SLIT1: variants seen among roughly 807,000 people sequenced by gnomAD.
The protein encoded by SLIT1 is slit guidance ligand 1.
In SLIT1, 66 loss-of-function variants were observed where a neutral mutation model predicts 186.1. The observed-to-expected ratio is 0.35, with a 90% CI of 0.29 to 0.44. The LOEUF (loss-of-function observed/expected upper bound fraction) is 0.44, where lower values mean the gene tolerates loss of function less well. SLIT1 is among the 20% of genes least tolerant of loss of function. SLIT1 has a pLI of 1.00. For synonymous variants in SLIT1, 761 were observed against 833.8 expected, an observed-to-expected ratio of 0.91 and a Z score of 1.50; for missense variants, 1,638 against 2,037.4, an observed-to-expected ratio of 0.80 and a Z score of 3.77.
intron 4 of SLIT1, among the ~76,000 whole-genome samples, chr10:97,112,419 T>C (rs1849473344): frequency 6.6e-6 from 1 of 152,226 alleles, no homozygotes; most frequent in Non-Finnish European, 1.5e-5. Context: ...ATTCAGAGCA[T>C]GCTATAAATA....
At chr10:97,180,859 C>T (rs1390204928) in intron 1 of SLIT1, among the ~76,000 whole-genome samples, 4 of 152,258 alleles carry the variant, frequency 2.6e-5, no homozygotes, top group African/African-American at 9.6e-5. Context: ...GAGCCTCTAG[C>T]TTGAGCTTCC....
chr10:97,087,432 GTCA>G (rs1199467601), intron 4 of SLIT1, among the ~76,000 whole-genome samples: 1 of 152,170 alleles, frequency 6.6e-6, no homozygotes, highest in Non-Finnish European at 1.5e-5. Context: ...CCCTGCATTT[GTCA>G]CATTGCATGT....
rs983650132 is a variant in SLIT1, at chr10:97,068,280, C to T, written c.414-2194G>A. 6.6e-6 allele frequency among the ~76,000 whole-genome samples: 1 copy of T among 152,244 alleles called. No homozygotes were observed. Among genetic ancestry groups the T allele is most frequent in the African/African-American group, 2.4e-5 (1 of 41,534 alleles). Reference sequence around the variant, plus strand: ...CTGGGGTTCGAGGCCTGGCCCTCCCCCTCCTGGCCATACATCTGCAAGGCA... The same window carrying T: ...CTGGGGTTCGAGGCCTGGCCCTCCCTCTCCTGGCCATACATCTGCAAGGCA... On this transcript the variant is annotated intron_variant, in intron 4 of 36. Coordinates refer to ENST00000266058, the MANE Select transcript of SLIT1 (RefSeq NM_003061.3). This position sits in a 1 kb window ranked among gnomAD's most constrained non-coding sequence, Gnocchi z 4.2.
intron 25 of SLIT1, among the ~76,000 whole-genome samples, chr10:97,027,805 C>A (rs73320621): frequency 5.3e-5 from 8 of 152,074 alleles, no homozygotes; most frequent in Non-Finnish European, 1.0e-4. Context: ...AGATTTTGAG[C>A]TGGAGACAAG....
chr10:97,091,826 G>A (rs543436349), intron 4 of SLIT1, among the ~76,000 whole-genome samples: 78 of 152,320 alleles, frequency 5.1e-4, no homozygotes, highest in African/African-American at 1.8e-3. Flanking sequence ...CATAGGCTAA[G>A]TGCCCTTGCA....
In SLIT1 at chr10:97,000,085, G is replaced by GTGA. The variant is rs962241890; in HGVS notation, c.*1024_*1026dup. 6 of 152,370 alleles carry GTGA rather than the reference G, an allele frequency of 3.9e-5. No homozygotes were observed. Among genetic ancestry groups the GTGA allele is most frequent in the African/African-American group, 1.2e-4 (5 of 41,458 alleles). The allele number at this position is 152,370 out of a possible 1,614,324, so 9.4% of individuals were successfully genotyped here. A position where few individuals can be genotyped will look rare whatever the true frequency, so the allele number is the denominator to read the frequency against. On this transcript the variant is annotated 3_prime_UTR_variant, in exon 37 of 37. Transcript: ENST00000266058. Reference sequence around the variant, plus strand: ...CCAGGTGGGGAGAAGTTTGCCCCGAGTGATAGAGCCAGCAGGGACTTCCCA... The same window carrying GTGA: ...CCAGGTGGGGAGAAGTTTGCCCCGAGTGATGATAGAGCCAGCAGGGACTTCCCA...
intron 4 of SLIT1, among the ~76,000 whole-genome samples, chr10:97,129,140 G>A (rs1419210423): frequency 2.6e-5 from 4 of 152,062 alleles, no homozygotes; most frequent in Non-Finnish European, 5.9e-5. Flanking sequence ...GGTGGCTCAC[G>A]TCTGTTATCC....
At chr10:97,119,616 A>C (rs1011336520) in intron 4 of SLIT1, among the ~76,000 whole-genome samples, 5 of 151,282 alleles carry the variant, frequency 3.3e-5, no homozygotes, top group Admixed American at 3.3e-4. Context: ...GACTCAGGAG[A>C]CGGCGCCTTG....
intron 7 of SLIT1, 135 bp downstream of exon 7, chr10:97,064,033 C>G (rs1276829190): frequency 6.9e-6 from 5 of 729,190 alleles, no homozygotes; most frequent in Non-Finnish European, 1.2e-5. Flanking sequence ...AGCCCCCAGC[C>G]TGGGCTGGCC....
At chr10:97,031,542 A>C in intron 24 of SLIT1, 64 bp downstream of exon 24, 1 of 1,302,926 alleles carries the variant, frequency 7.7e-7, no homozygotes, top group South Asian at 1.3e-5. Flanking sequence ...TCTGCCCACC[A>C]GGTGGGTGGC....
At chr10:97,037,031 T>G (rs1430985583) in intron 22 of SLIT1, among the ~76,000 whole-genome samples, 1 of 150,344 alleles carries the variant, frequency 6.7e-6, no homozygotes, top group African/African-American at 2.4e-5. Context: ...CTCCTAACCT[T>G]GCAAGAATAA....
chr10:97,120,378 C>G (rs1849550063), intron 4 of SLIT1, among the ~76,000 whole-genome samples: 1 of 152,156 alleles, frequency 6.6e-6, no homozygotes, highest in Admixed American at 6.5e-5. Context: ...TCTCCGGTGC[C>G]CTGTGAGATT....
intron 4 of SLIT1, among the ~76,000 whole-genome samples, chr10:97,149,160 C>T (rs1342602470): frequency 6.6e-6 from 1 of 152,232 alleles, no homozygotes; most frequent in African/African-American, 2.4e-5. Context: ...CAGCCAGGCA[C>T]CAGGGCTGTG....
At chr10:97,053,162 T>TA (rs1408436399) in intron 13 of SLIT1, among the ~76,000 whole-genome samples, 1 of 152,190 alleles carries the variant, frequency 6.6e-6, no homozygotes, top group Non-Finnish European at 1.5e-5. Context: ...ATTAAGATAA[T>TA]ACATGCAAAG....
intron 13 of SLIT1, among the ~76,000 whole-genome samples, chr10:97,053,636 C>T (rs1329566354): frequency 2.6e-5 from 4 of 152,142 alleles, no homozygotes; most frequent in African/African-American, 7.2e-5. Context: ...ATAATTAATG[C>T]TCATTAAATG....
At chr10:97,062,597 C>A (rs192327643) in intron 8 of SLIT1, among the ~76,000 whole-genome samples, 1 of 152,210 alleles carries the variant, frequency 6.6e-6, no homozygotes, top group African/African-American at 2.4e-5. Context: ...GAGGAGGAGT[C>A]GGCAGGCAAC....
intron 21 of SLIT1, among the ~76,000 whole-genome samples, chr10:97,039,135 C>A (rs946713318): frequency 6.6e-6 from 1 of 152,132 alleles, no homozygotes; most frequent in African/African-American, 2.4e-5. Flanking sequence ...CAAGAAATAA[C>A]AAATAGAAGC....
chr10:97,066,531 T>C (rs1048166784), intron 4 of SLIT1, among the ~76,000 whole-genome samples: 3 of 152,178 alleles, frequency 2.0e-5, no homozygotes, highest in African/African-American at 7.2e-5. Context: ...GGCTTGATGC[T>C]GACTTCTCGA....
At chr10:97,029,611 G>A (rs942546028) in intron 25 of SLIT1, among the ~76,000 whole-genome samples, 1 of 152,198 alleles carries the variant, frequency 6.6e-6, no homozygotes, top group East Asian at 1.9e-4. Flanking sequence ...GATTTCGTCT[G>A]TTTTTTATAT....
Sources: allele counts gnomAD v4.1 joint callset (sites outside exome capture counted in the v4.1 genomes callset), GRCh38; gene constraint gnomAD v4.1.1; non-coding constraint Gnocchi (gnomAD v3.1); transcripts MANE v1.5; gene names NCBI Gene and HGNC (gene_info 2026-07-23, HGNC 2026-07-21).